The following FAM227A variants were observed in gnomAD, a reference collection of about 807,000 sequenced individuals.
FAM227A encodes the protein family with sequence similarity 227 member A.
Under a neutral mutation model 74.7 loss-of-function variants are expected in FAM227A, and 80 were observed. That is an observed-to-expected ratio of 1.07 (90% CI 0.89 to 1.29). The LOEUF is 1.29. Ranked by LOEUF, FAM227A falls within the 50% of genes most tolerant of loss-of-function variation. FAM227A has a pLI of 0.00. For synonymous variants in FAM227A, 237 were observed against 241.8 expected (o/e 0.98, Z 0.19); for missense variants, 654 against 683.4 (o/e 0.96, Z 0.48).
At chr22:38,590,554 G>A (rs2090910368) in intron 16 of FAM227A, among the ~76,000 whole-genome samples, 1 of 152,180 alleles carries the variant, frequency 6.6e-6, no homozygotes, top group Non-Finnish European at 1.5e-5. Flanking sequence ...TATGCCTGCA[G>A]ATGGCCTATC....
chr22:38,628,302 G>A lies in FAM227A; in HGVS notation c.662C>T (p.Ala221Val), dbSNP rs911891985. 2 of 1,551,510 alleles carry A rather than the reference G, an allele frequency of 1.3e-6. No homozygotes were observed. Among genetic ancestry groups the A allele is most frequent in the African/African-American group, 2.7e-5 (2 of 73,156 alleles). ...AAACAAAAGTAAGGCATAGTGCTGG[G>A]CTATCCGGTCAAACAGATTATTCTG... is the stretch of plus-strand genomic sequence containing the variant. ...ELQNNLFDRI[A>V]QHYALLLFRV... Residue 221 changes from alanine (A) to valine (V), a missense_variant, in exon 8 of 17, where the codon GCC becomes GTC. Coordinates refer to ENST00000535113, the MANE Select transcript of FAM227A (RefSeq NM_001013647.2).
At chr22:38,609,325 C>T (rs1005181643) in intron 11 of FAM227A, among the ~76,000 whole-genome samples, 5 of 152,308 alleles carry the variant, frequency 3.3e-5, no homozygotes, top group Non-Finnish European at 2.9e-5. Flanking sequence ...CAGCCAGGTA[C>T]ATGCCCAGCA....
At position 38,597,397 on chromosome 22, in the gene FAM227A, G is replaced by A. The variant is rs567511036; in HGVS notation, c.1380-41C>T. The A allele has an allele frequency of 3.9e-6, 6 of 1,544,980 alleles. No individual in the cohort carries two copies. In the African/African-American group the frequency reaches 6.8e-5, roughly 18 times the overall value. ...AAGGAAATCCCCGTACTGTGGAACT[G>A]TGTTGACGCTGCATTATTAGTGGCA... On this transcript the variant is annotated intron_variant, in intron 14 of 16. Coordinates refer to ENST00000535113, the MANE Select transcript of FAM227A (RefSeq NM_001013647.2).
intron 13 of FAM227A, among the ~76,000 whole-genome samples, chr22:38,601,032 C>A (rs1455626138): frequency 6.6e-6 from 1 of 151,696 alleles, no homozygotes; most frequent in East Asian, 1.9e-4. Context: ...GTTAATAATT[C>A]ATTCAGCAAA....
intron 6 of FAM227A, among the ~76,000 whole-genome samples, chr22:38,633,619 G>A (rs1222885438): frequency 2.0e-5 from 3 of 152,152 alleles, no homozygotes; most frequent in African/African-American, 7.2e-5. Context: ...TTGGCTCACT[G>A]CAACCTCCAC....
chr22:38,645,584 G>A lies in FAM227A; in HGVS notation c.204C>T (p.Thr68=), dbSNP rs983969610. 37 of 1,551,118 alleles carry A rather than the reference G, an allele frequency of 2.4e-5. No homozygotes were observed. Among genetic ancestry groups the A allele is most frequent in the Admixed American group, 3.9e-5 (2 of 50,920 alleles). The change falls in exon 3 of 17, where the codon ACC becomes ACT. Residue 68 remains threonine (T), a synonymous_variant. Coordinates refer to ENST00000535113, the MANE Select transcript of FAM227A (RefSeq NM_001013647.2). ...NQKIADINLR[T]EPSANSLAIE... is the part of the protein sequence containing the mutation. ...TCACCAGGCTGTTGGCCGACGGCTCGGTACGCAGATTTATGTCAGCAATCT... is the reference window on the plus strand; with the variant it reads ...TCACCAGGCTGTTGGCCGACGGCTCAGTACGCAGATTTATGTCAGCAATCT...
At chr22:38,604,523 G>C (rs556647836) in intron 13 of FAM227A, among the ~76,000 whole-genome samples, 1 of 152,298 alleles carries the variant, frequency 6.6e-6, no homozygotes, top group South Asian at 2.1e-4. Flanking sequence ...GGGAGGAGGA[G>C]AGAATGATGC....
rs1439510034 is a variant in FAM227A at position 38,628,333 on chromosome 22, C to T, written c.631G>A (p.Glu211Lys). The change falls in exon 8 of 17, where the codon GAG becomes AAG. Residue 211 changes from glutamate to lysine, a missense_variant. Transcript: ENST00000535113. Reference protein sequence around the residue: ...IFHERYQPNKELQNNLFDRIA... With the variant: ...IFHERYQPNKKLQNNLFDRIA... ...CGGTCAAACAGATTATTCTGGAGCTCCTTGTTTGGCTGCCAGGAATAGAAA... is the reference window on the plus strand; with the variant it reads ...CGGTCAAACAGATTATTCTGGAGCTTCTTGTTTGGCTGCCAGGAATAGAAA... 1 of 1,550,108 alleles carries T rather than the reference C, an allele frequency of 6.5e-7. No individual in the cohort carries two copies. The highest frequency in any genetic ancestry group is 2.0e-5 in the Admixed American group (1 of 50,856).
intron 11 of FAM227A, among the ~76,000 whole-genome samples, chr22:38,612,300 C>G (rs2091429342): frequency 6.6e-6 from 1 of 152,198 alleles, no homozygotes; most frequent in Admixed American, 6.5e-5. Flanking sequence ...TACAACTCTG[C>G]AGCATCCAGC....
chr22:38,643,142 C>T (rs1021879708), intron 3 of FAM227A, among the ~76,000 whole-genome samples: 7 of 151,884 alleles, frequency 4.6e-5, no homozygotes, highest in Non-Finnish European at 8.8e-5. Context: ...TGGTGAAACC[C>T]AGTCTCTACT....
chr22:38,652,703 G>A (rs756937173), intron 1 of FAM227A, among the ~76,000 whole-genome samples: 1 of 150,568 alleles, frequency 6.6e-6, no homozygotes, highest in Non-Finnish European at 1.5e-5. Flanking sequence ...TGGCTAACAT[G>A]GTGAAACTCC....
chr22:38,636,655 T>C (rs1304568084), intron 5 of FAM227A, 58 bp from the exon 6 acceptor site: 5 of 1,442,500 alleles, frequency 3.5e-6, no homozygotes, highest in East Asian at 2.5e-5. Context: ...TGTGAAACAA[T>C]AGGCTAGCTT....
intron 14 of FAM227A, among the ~76,000 whole-genome samples, chr22:38,598,431 C>T (rs1018234480): frequency 6.6e-6 from 1 of 152,162 alleles, no homozygotes; most frequent in African/African-American, 2.4e-5. Context: ...CATATCCCAA[C>T]CCAGGTTCCT....
chr22:38,594,523 A>G (rs1267598027), intron 15 of FAM227A, among the ~76,000 whole-genome samples: 1 of 152,214 alleles, frequency 6.6e-6, no homozygotes, highest in Non-Finnish European at 1.5e-5. Flanking sequence ...TCTTGGCTGC[A>G]GAGTATGGAG....
In FAM227A at chr22:38,582,274, A is replaced by G; in HGVS notation, c.*3851T>C. 2 of 1,425,778 alleles carry G rather than the reference A, an allele frequency of 1.4e-6. No individual in the cohort carries two copies. The highest frequency in any genetic ancestry group is 1.9e-6 in the Non-Finnish European group (2 of 1,039,286). 88.3% of individuals were successfully genotyped at this position (1,425,778 alleles called of 1,614,324 possible). A position where few individuals can be genotyped will look rare whatever the true frequency, so the allele number is the denominator to read the frequency against. ...GTTCTTCAGGAAACTGTATGTTCTA[A>G]AACATACATTTCATCATCAATTCAT... On this transcript the variant is annotated 3_prime_UTR_variant, in exon 17 of 17. Coordinates refer to ENST00000535113, the MANE Select transcript of FAM227A (RefSeq NM_001013647.2).
chr22:38,644,126 A>G (rs897676542), intron 3 of FAM227A, among the ~76,000 whole-genome samples: 15 of 135,396 alleles, frequency 1.1e-4, no homozygotes, highest in Non-Finnish European at 1.9e-4. Flanking sequence ...AGCCTGGACG[A>G]GAGTGTGAGA....
At chr22:38,643,520 G>C (rs911365150) in intron 3 of FAM227A, among the ~76,000 whole-genome samples, 1 of 152,156 alleles carries the variant, frequency 6.6e-6, no homozygotes, top group Admixed American at 6.6e-5. Flanking sequence ...TGGTGAGAAC[G>C]TGGAGCCGCA....
At chr22:38,649,623 TAGGG>T (rs1042301428) in intron 2 of FAM227A, among the ~76,000 whole-genome samples, 2 of 147,844 alleles carry the variant, frequency 1.4e-5, no homozygotes, top group African/African-American at 5.0e-5. Context: ...TCCCAGCACT[TAGGG>T]AGGCCGAGGC....
intron 11 of FAM227A, among the ~76,000 whole-genome samples, chr22:38,611,076 A>C (rs2091403177): frequency 6.6e-6 from 1 of 151,256 alleles, no homozygotes; most frequent in South Asian, 2.1e-4. Context: ...AGAAAAAAAA[A>C]ATCTTTCCTA....
Sources: allele counts gnomAD v4.1 joint callset (sites outside exome capture counted in the v4.1 genomes callset), GRCh38; gene constraint gnomAD v4.1.1; transcripts MANE v1.5; gene names NCBI Gene and HGNC (gene_info 2026-07-23, HGNC 2026-07-21).